Variants in AP1G1 observed in about 807,000 individuals in gnomAD.
AP1G1 encodes adaptor related protein complex 1 subunit gamma 1, also known as AP-1 complex subunit gamma-1.
A neutral mutation model predicts 108.3 loss-of-function variants in AP1G1; 7 were observed. The ratio of observed to expected loss-of-function variants is 0.06; its 90% CI spans 0.04 to 0.12. AP1G1 has a LOEUF of 0.12. Among genes scored for constraint, AP1G1 ranks in the 10% least tolerant of loss-of-function variants. AP1G1 has a pLI of 1.00. For synonymous variants in AP1G1, 379 were observed against 353.5 expected (o/e 1.07, Z -0.81); for missense variants, 756 against 1,010.7 (o/e 0.75, Z 3.42).
At chr16:71,745,663 C>G (rs1331996527) in intron 17 of AP1G1, 49 bp from the exon 18 acceptor site, 5 of 1,518,480 alleles carry the variant, frequency 3.3e-6, no homozygotes, top group Non-Finnish European at 3.7e-6. Context: ...CCTAGATTCC[C>G]TACCCAAAAT....
At chr16:71,759,025 G>A (rs1402047426) in intron 10 of AP1G1, 104 bp from the exon 11 acceptor site, 1 of 652,820 alleles carries the variant, frequency 1.5e-6, no homozygotes, top group Non-Finnish European at 2.6e-6. Context: ...ATAAGAGAAA[G>A]CATACATTTT....
chr16:71,736,120 ATAT>A (rs1567638682), intron 21 of AP1G1, among the ~76,000 whole-genome samples: 1,123 of 73,140 alleles, frequency 0.015, 58 homozygotes, highest in Non-Finnish European at 0.017. Flanking sequence ...AAAAAAAAAT[ATAT>A]ATATATATAT....
At chr16:71,781,514 C>T (rs1214263420) in intron 2 of AP1G1, among the ~76,000 whole-genome samples, 1 of 152,174 alleles carries the variant, frequency 6.6e-6, no homozygotes, top group African/African-American at 2.4e-5. Flanking sequence ...AATCAGAACC[C>T]TAAACTGCTG....
At chr16:71,792,094 G>A (rs2032423848) in intron 1 of AP1G1, among the ~76,000 whole-genome samples, 4 of 152,090 alleles carry the variant, frequency 2.6e-5, no homozygotes, top group Admixed American at 2.6e-4. Context: ...GATGGCTGAA[G>A]GTAGTCTCAC....
At chr16:71,754,496 G>A (rs758420680) in intron 12 of AP1G1, among the ~76,000 whole-genome samples, 1 of 152,128 alleles carries the variant, frequency 6.6e-6, no homozygotes. Context: ...TTCAAAGAGT[G>A]ATAAAAAGGT....
intron 1 of AP1G1, chr16:71,808,061 G>C (rs926459034): frequency 4.2e-6 from 5 of 1,176,782 alleles, no homozygotes; most frequent in African/African-American, 1.6e-5. Context: ...TCCTAACCGG[G>C]AAACACAATC....
chr16:71,801,861 G>A (rs1429625793), intron 1 of AP1G1, among the ~76,000 whole-genome samples: 1 of 150,058 alleles, frequency 6.7e-6, no homozygotes, highest in Non-Finnish European at 1.5e-5. Flanking sequence ...GGCGGAGCTT[G>A]CAGTGAGCCG....
intron 1 of AP1G1, among the ~76,000 whole-genome samples, chr16:71,790,165 A>G (rs1056391965): frequency 1.3e-5 from 2 of 152,190 alleles, no homozygotes; most frequent in African/African-American, 4.8e-5. Context: ...AACAGAAAAA[A>G]CAGAACGTGC....
intron 1 of AP1G1, among the ~76,000 whole-genome samples, chr16:71,792,317 C>A (rs1478066943): frequency 6.6e-6 from 1 of 152,138 alleles, no homozygotes; most frequent in East Asian, 1.9e-4. Flanking sequence ...GCATTCTAAA[C>A]TGGTAAAATC....
At chr16:71,790,440 T>C (rs1233010039) in intron 1 of AP1G1, among the ~76,000 whole-genome samples, 1 of 151,764 alleles carries the variant, frequency 6.6e-6, no homozygotes, top group Non-Finnish European at 1.5e-5. Flanking sequence ...CTCAGGAGAA[T>C]TGCTTGAACC....
chr16:71,738,973 G>A lies in AP1G1; in HGVS notation c.2237C>T (p.Thr746Met), dbSNP rs1347732228. ...TACTGCAGCTTGGAAAACAAAGTCCGTCATATCTAGCTCTGTGCTGTTGGA... is the reference window on the plus strand; with the variant it reads ...TACTGCAGCTTGGAAAACAAAGTCCATCATATCTAGCTCTGTGCTGTTGGA... ...QASNSTELDM[T>M]DFVFQAAVPK... is the part of the protein sequence containing the mutation. Residue 746 changes from threonine to methionine, a missense_variant, in exon 21 of 23, where the codon ACG (threonine) becomes ATG (methionine). Coordinates refer to ENST00000299980, the MANE Select transcript of AP1G1 (RefSeq NM_001128.6). 6 of 1,613,964 alleles carry A rather than the reference G, an allele frequency of 3.7e-6. No homozygotes were observed. Among genetic ancestry groups the A allele is most frequent in the East Asian group, 4.5e-5 (2 of 44,862 alleles).
Position 71,756,071 on chromosome 16 carries a change from C to T in AP1G1, c.1177G>A (p.Glu393Lys). 6.2e-7 allele frequency: 1 copy of T among 1,613,002 alleles called. No individual in the cohort carries two copies. The highest frequency in any genetic ancestry group is 8.5e-7 in the Non-Finnish European group (1 of 1,179,494). Residue 393 changes from glutamate (E) to lysine (K), a missense_variant, in exon 12 of 23, where the codon GAG becomes AAG. Physicochemically the swap from Glu to Lys is moderately conservative, Grantham distance 56. Around this residue, in one of 3 missense-constraint regions of AP1G1, gnomAD observed 357 missense variants for 366.5 expected, o/e 0.97. Coordinates refer to ENST00000299980, the MANE Select transcript of AP1G1 (RefSeq NM_001128.6). ...KELLYFLDSC[E>K]PEFKADCASG... is the part of the protein sequence containing the mutation. Reference sequence around the variant, plus strand: ...GCACAGTCTGCTTTAAATTCTGGCTCACACGAATCCAGAAAATAAAGTAAT... The same window carrying T: ...GCACAGTCTGCTTTAAATTCTGGCTTACACGAATCCAGAAAATAAAGTAAT...
chr16:71,749,303 G>A (rs1438673516), intron 15 of AP1G1, among the ~76,000 whole-genome samples: 28 of 151,786 alleles, frequency 1.8e-4, no homozygotes, highest in Admixed American at 1.7e-3. Flanking sequence ...GCAACACGGT[G>A]AAACCCTGTC....
chr16:71,770,413 CCT>C (rs1316083061), intron 5 of AP1G1, among the ~76,000 whole-genome samples: 2 of 152,226 alleles, frequency 1.3e-5, no homozygotes, highest in African/African-American at 4.8e-5. Context: ...CCATTTAATT[CCT>C]CTGTTTTATA....
intron 5 of AP1G1, 22 bp downstream of exon 5, chr16:71,771,134 G>A (rs1597065400): frequency 1.4e-6 from 2 of 1,434,862 alleles, no homozygotes; most frequent in East Asian, 4.5e-5. Flanking sequence ...AATACTTCAT[G>A]AATACATCCA....
chr16:71,787,691 T>C (rs1276299947), intron 2 of AP1G1, among the ~76,000 whole-genome samples: 2 of 152,190 alleles, frequency 1.3e-5, no homozygotes, highest in African/African-American at 2.4e-5. Flanking sequence ...CAAGAACACG[T>C]AGGCATCTAT....
chr16:71,759,683 C>G (rs999326757), intron 10 of AP1G1, among the ~76,000 whole-genome samples: 4 of 151,656 alleles, frequency 2.6e-5, no homozygotes, highest in African/African-American at 9.7e-5. Flanking sequence ...TGGCGTGAAC[C>G]CAGGAGGTGG....
chr16:71,739,886 T>C (rs577642153), intron 19 of AP1G1, among the ~76,000 whole-genome samples: 2 of 152,008 alleles, frequency 1.3e-5, no homozygotes, highest in African/African-American at 2.4e-5. Flanking sequence ...TTTAAAAGTG[T>C]CAAGATATAA....
At chr16:71,801,210 G>C (rs1001657014) in intron 1 of AP1G1, among the ~76,000 whole-genome samples, 2 of 152,026 alleles carry the variant, frequency 1.3e-5, no homozygotes, top group African/African-American at 4.8e-5. Context: ...TGAAGTCTGA[G>C]GCAGGAGAAT....
Sources: gnomAD v4.1 joint callset for allele counts (sites outside exome capture counted in the v4.1 genomes callset) on GRCh38, gnomAD v4.1.1 for gene constraint, gnomAD v4.1.1 regional missense constraint, MANE v1.5 for transcripts, NCBI Gene and HGNC (gene_info 2026-07-23, HGNC 2026-07-21) for gene names.